The following JPH2 variants were observed in gnomAD, a reference collection of about 807,000 sequenced individuals.
The protein encoded by JPH2 is junctophilin 2.
A neutral mutation model predicts 55.9 loss-of-function variants in JPH2; 38 were observed. The observed-to-expected ratio is 0.68, with a 90% CI of 0.52 to 0.89. The LOEUF (loss-of-function observed/expected upper bound fraction) is 0.89, where lower values mean the gene tolerates loss of function less well. JPH2 is among the 40% of genes least tolerant of loss of function. The pLI is 0.00. For missense variants in JPH2, 964 were observed against 1,037.6 expected (o/e 0.93, Z 0.97); for synonymous variants, 480 against 472.4 (o/e 1.02, Z -0.21).
Position 44,134,709 on chromosome 20 carries a change from A to T in JPH2, c.1170-16086T>A, listed in dbSNP as rs190888031. Among the ~76,000 whole-genome samples the T allele has an allele frequency of 5.1e-3, 253 of 49,228 alleles. 45 individuals are homozygous for T. The East Asian group carries it at 0.11, about 22-fold the overall frequency. 32.3% of individuals were successfully genotyped at this position (49,228 alleles called of 152,430 possible). A position where few individuals can be genotyped will look rare whatever the true frequency, so the allele number is the denominator to read the frequency against. Reference sequence around the variant, plus strand: ...ATTATAAATATATATACATTAATATATATTATAAATATATATTTATTATAA... The same window carrying T: ...ATTATAAATATATATACATTAATATTTATTATAAATATATATTTATTATAA... On this transcript the variant is annotated intron_variant, in intron 2 of 5. Coordinates refer to ENST00000372980, the MANE Select transcript of JPH2 (RefSeq NM_020433.5).
chr20:44,118,181 C>T (rs1267562322), intron 3 of JPH2, among the ~76,000 whole-genome samples: 3 of 152,116 alleles, frequency 2.0e-5, no homozygotes, highest in Admixed American at 6.5e-5. Context: ...TGGGCAAGTG[C>T]AAGAAGCCAT....
chr20:44,122,303 T>C (rs981031098), intron 2 of JPH2, among the ~76,000 whole-genome samples: 1 of 152,174 alleles, frequency 6.6e-6, no homozygotes, highest in Non-Finnish European at 1.5e-5. Flanking sequence ...CACACAGTTT[T>C]AGAATTAACA....
At chr20:44,139,996 C>T (rs1208590014) in intron 2 of JPH2, among the ~76,000 whole-genome samples, 5 of 152,022 alleles carry the variant, frequency 3.3e-5, no homozygotes, top group South Asian at 2.1e-4. Context: ...CTCAGCCTCC[C>T]GAGTAGCTGG....
rs761686789 is a variant in JPH2 at position 44,159,600 on chromosome 20, C to T, written c.1169+18G>A. Reference sequence around the variant, plus strand: ...TCCGAGGGGAGGCGACCCCTTCCCACCCCCACCGCTGTCCTACCTGGAGGC... The same window carrying T: ...TCCGAGGGGAGGCGACCCCTTCCCATCCCCACCGCTGTCCTACCTGGAGGC... On this transcript the variant is annotated intron_variant, in intron 2 of 5. Coordinates refer to ENST00000372980, the MANE Select transcript of JPH2 (RefSeq NM_020433.5). This position sits in a 1 kb window ranked among gnomAD's most constrained non-coding sequence, Gnocchi z 5.7. The T allele has an allele frequency of 6.3e-7, 1 of 1,594,324 alleles. No individual in the cohort carries two copies. The highest frequency in any genetic ancestry group is 1.1e-5 in the South Asian group (1 of 89,818).
Position 44,108,403 on chromosome 20 carries a change from C to A in JPH2, c.*5115G>T, listed in dbSNP as rs182650594. Among the ~76,000 whole-genome samples, 1 of 151,998 alleles carries A rather than the reference C, an allele frequency of 6.6e-6. No homozygotes were observed. The highest frequency in any genetic ancestry group is 1.5e-5 in the Non-Finnish European group (1 of 67,970). On this transcript the variant is annotated 3_prime_UTR_variant, in exon 6 of 6. Transcript: ENST00000372980. ...GAGTATGAGGATAATCATAGGAACC[C>A]CCTTGTTTGTAGCCAGTCAGTATGA...
At chr20:44,118,651 A>G (rs755532584) in intron 2 of JPH2, 28 bp from the exon 3 acceptor site, 2 of 1,566,544 alleles carry the variant, frequency 1.3e-6, no homozygotes, top group South Asian at 2.2e-5. Flanking sequence ...CAGAAGACTC[A>G]GGATCCTTCC....
chr20:44,145,958 C>T (rs1033927459), intron 2 of JPH2, among the ~76,000 whole-genome samples: 1 of 152,020 alleles, frequency 6.6e-6, no homozygotes, highest in Non-Finnish European at 1.5e-5. Flanking sequence ...GAAGGAAGCA[C>T]GCTGGGTCTT....
intron 3 of JPH2, among the ~76,000 whole-genome samples, 197 bp downstream of exon 3, chr20:44,118,308 G>A (rs773543892): frequency 2.0e-5 from 3 of 152,056 alleles, no homozygotes; most frequent in South Asian, 2.1e-4. Flanking sequence ...CCCTCCCCTC[G>A]AGCTCAGCAT....
At position 44,108,299 on chromosome 20, in the gene JPH2, C is replaced by T. The variant is rs772999091; in HGVS notation, c.*5219G>A. 2.6e-5 allele frequency among the ~76,000 whole-genome samples: 4 copies of T among 152,126 alleles called. No homozygotes were observed. The highest frequency in any genetic ancestry group is 6.5e-5 in the Admixed American group (1 of 15,274). ...CCCTTTCCCTTGGCTGGTTCTGATTCGCATTCTTTGCTTGTAATCAATGTG... is the reference window on the plus strand; with the variant it reads ...CCCTTTCCCTTGGCTGGTTCTGATTTGCATTCTTTGCTTGTAATCAATGTG... On this transcript the variant is annotated 3_prime_UTR_variant, in exon 6 of 6. Transcript: ENST00000372980.
rs1033757445 is a variant in JPH2 at position 44,110,510 on chromosome 20, C to T, written c.*3008G>A. On this transcript the variant is annotated 3_prime_UTR_variant, in exon 6 of 6. Coordinates refer to ENST00000372980, the MANE Select transcript of JPH2 (RefSeq NM_020433.5). ...CTTGATCTTGGCTCACTGCAACCTC[C>T]GCCTCCAGGGTTCAAGTGCTTCTCC... Among the ~76,000 whole-genome samples the T allele has an allele frequency of 9.9e-5, 15 of 152,048 alleles. 1 individual carries two copies. Among genetic ancestry groups the T allele is most frequent in the African/African-American group, 3.6e-4 (15 of 41,392 alleles).
rs2072582330 is a variant in JPH2, at chr20:44,158,711, G to A, written c.1169+907C>T. Among the ~76,000 whole-genome samples the A allele has an allele frequency of 3.9e-5, 6 of 152,180 alleles. No homozygotes were observed. The South Asian group carries it at 1.0e-3, about 26-fold the overall frequency. The stretch of plus-strand genomic sequence containing the variant: ...GGACGCATGGGTAGATGGATAGGTG[G>A]GGGAGGTTGAATGAATAGAAGTTTG... On this transcript the variant is annotated intron_variant, in intron 2 of 5. Coordinates refer to ENST00000372980, the MANE Select transcript of JPH2 (RefSeq NM_020433.5).
Position 44,108,090 on chromosome 20 carries a change from A to G in JPH2, c.*5428T>C, listed in dbSNP as rs1402860625. Among the ~76,000 whole-genome samples, 6 of 152,178 alleles carry G rather than the reference A, an allele frequency of 3.9e-5. No individual in the cohort carries two copies. The highest frequency in any genetic ancestry group is 5.9e-5 in the Non-Finnish European group (4 of 68,028). On this transcript the variant is annotated 3_prime_UTR_variant, in exon 6 of 6. Coordinates refer to ENST00000372980, the MANE Select transcript of JPH2 (RefSeq NM_020433.5). Reference sequence around the variant, plus strand: ...GGAGGTTAAGTTCAACCATGTGGGAAATGATTCAATCAATCACCTCTACAT... The same window carrying G: ...GGAGGTTAAGTTCAACCATGTGGGAGATGATTCAATCAATCACCTCTACAT...
intron 1 of JPH2, among the ~76,000 whole-genome samples, chr20:44,165,137 A>G (rs2072646949): frequency 6.6e-6 from 1 of 152,140 alleles, no homozygotes; most frequent in African/African-American, 2.4e-5. Context: ...GCGCCCAGCC[A>G]AATGTTCTGC....
At position 44,124,478 on chromosome 20, in the gene JPH2, T is replaced by C. The variant is rs552951429; in HGVS notation, c.1170-5855A>G. On this transcript the variant is annotated intron_variant, in intron 2 of 5. Coordinates refer to ENST00000372980, the MANE Select transcript of JPH2 (RefSeq NM_020433.5). ...GAGTGCCTACTATGTGCTAGGCACT[T>C]TTCTGGGCACTGAAGACATAGAGGC... 3.9e-5 allele frequency among the ~76,000 whole-genome samples: 6 copies of C among 152,192 alleles called. No individual in the cohort carries two copies. The South Asian group carries it at 1.2e-3, about 32-fold the overall frequency.
chr20:44,163,481 C>T (rs1025780705), intron 1 of JPH2, among the ~76,000 whole-genome samples: 1 of 152,140 alleles, frequency 6.6e-6, no homozygotes. Flanking sequence ...CCACTTCTAC[C>T]CCATCCTACC....
chr20:44,159,865 G>A lies in JPH2; in HGVS notation c.922C>T (p.Arg308Cys), dbSNP rs773609773. ...DKRSGFGVSE[R>C]SSGLRYEGEW... ...CCCTCGTAGCGGAGGCCACTGGAGC[G>A]TTCGCTCACGCCGAAGCCCGAGCGT... Residue 308 changes from arginine (R) to cysteine (C), a missense_variant, in exon 2 of 6, where the codon CGC (arginine) becomes TGC (cysteine). Arg to Cys is a radical substitution (Grantham distance 180). Coordinates refer to ENST00000372980, the MANE Select transcript of JPH2 (RefSeq NM_020433.5). The surrounding 1 kb of genome is among the most constrained non-coding windows in gnomAD (Gnocchi z 5.7). 6.2e-7 allele frequency: 1 copy of A among 1,613,490 alleles called. No homozygotes were observed. The highest frequency in any genetic ancestry group is 1.1e-5 in the South Asian group (1 of 91,060).
chr20:44,126,332 A>G (rs998086973), intron 2 of JPH2, among the ~76,000 whole-genome samples: 1 of 152,128 alleles, frequency 6.6e-6, no homozygotes, highest in African/African-American at 2.4e-5. Context: ...CAGGAATCCC[A>G]TGGTAGGTTT....
At chr20:44,177,895 T>G in intron 1 of JPH2, 1 of 1,585,986 alleles carries the variant, frequency 6.3e-7, no homozygotes, top group Non-Finnish European at 8.7e-7. Flanking sequence ...ATTTCCTATG[T>G]GCCAGGCATG....
intron 1 of JPH2, among the ~76,000 whole-genome samples, chr20:44,165,200 C>T (rs1054869462): frequency 6.6e-6 from 1 of 151,698 alleles, no homozygotes; most frequent in Non-Finnish European, 1.5e-5. Context: ...CACACCTGTA[C>T]ATTTCAAATG....
Sources: gnomAD v4.1 joint callset for allele counts (sites outside exome capture counted in the v4.1 genomes callset) on GRCh38, gnomAD v4.1.1 for gene constraint, Gnocchi (gnomAD v3.1) non-coding constraint, MANE v1.5 for transcripts, NCBI Gene and HGNC (gene_info 2026-07-23, HGNC 2026-07-21) for gene names.